The following FAAH variants were observed in gnomAD, a reference collection of about 807,000 sequenced individuals.
FAAH encodes the protein fatty acid amide hydrolase.
In FAAH, 63 loss-of-function variants were observed where a neutral mutation model predicts 69.7. The ratio of observed to expected loss-of-function variants is 0.90; its 90% CI spans 0.74 to 1.12. The LOEUF (loss-of-function observed/expected upper bound fraction) is 1.12, where lower values mean the gene tolerates loss of function less well. Among genes scored for constraint, FAAH ranks in the 50% most tolerant of loss-of-function variants. FAAH has a pLI of 0.00. For missense variants in FAAH, 680 were observed against 755.0 expected, an observed-to-expected ratio of 0.90 and a Z score of 1.16; for synonymous variants, 305 against 324.2, an observed-to-expected ratio of 0.94 and a Z score of 0.64.
intron 9 of FAAH, among the ~76,000 whole-genome samples, chr1:46,409,466 G>A (rs538008212): frequency 2.0e-5 from 3 of 152,210 alleles, no homozygotes; most frequent in African/African-American, 7.2e-5. Context: ...TGGGCAGGAG[G>A]TTGCCTCTCT....
intron 1 of FAAH, among the ~76,000 whole-genome samples, chr1:46,400,054 T>G (rs1473023730): frequency 1.3e-5 from 2 of 152,028 alleles, no homozygotes; most frequent in Non-Finnish European, 2.9e-5. Context: ...GCTCCTTGTG[T>G]TAGAAAAAAA....
At chr1:46,407,417 G>A (rs952117745) in intron 7 of FAAH, among the ~76,000 whole-genome samples, 8 of 152,100 alleles carry the variant, frequency 5.3e-5, no homozygotes, top group African/African-American at 1.9e-4. Flanking sequence ...GGTGTCAACC[G>A]ATGCTTCCTG....
At position 46,405,409 on chromosome 1, in the gene FAAH, G is replaced by A. The variant is rs1364501207; in HGVS notation, c.482G>A (p.Gly161Glu). Residue 161 changes from glycine (G) to glutamate (E), a missense_variant, in exon 4 of 15, where the codon GGG becomes GAG. Coordinates refer to ENST00000243167, the MANE Select transcript of FAAH (RefSeq NM_001441.3). This position sits in a 1 kb window ranked among gnomAD's most constrained non-coding sequence, Gnocchi z 4.1. ...ACGCTGGGCTTGAGCCTGAATGAAG[G>A]GGTGCCGGCGGAGTGCGACAGCGTA... ...DSTLGLSLNE[G>E]VPAECDSVVV... 6.2e-7 allele frequency: 1 copy of A among 1,612,962 alleles called. No homozygotes were observed. The highest frequency in any genetic ancestry group is 8.5e-7 in the Non-Finnish European group (1 of 1,180,014).
At chr1:46,399,617 A>T (rs1328049632) in intron 1 of FAAH, among the ~76,000 whole-genome samples, 2 of 152,222 alleles carry the variant, frequency 1.3e-5, no homozygotes, top group East Asian at 3.8e-4. Flanking sequence ...GTCAGGTGGC[A>T]GTTATTCCAG....
Position 46,405,723 on chromosome 1 carries a change from C to T in FAAH, c.714C>T (p.Ile238=), listed in dbSNP as rs141985477. ...CCCCCCTGGGCTTAGGCACTGATAT[C>T]GGAGGCAGCATCCGCTTCCCCTCCT... ...GGSPLGLGTD[I]GGSIRFPSSF... The change falls in exon 5 of 15, where the codon ATC becomes ATT. Residue 238 remains isoleucine (I), a synonymous_variant. Transcript: ENST00000243167. The surrounding 1 kb of genome is among the most constrained non-coding windows in gnomAD (Gnocchi z 4.1). 4.6e-5 allele frequency: 74 copies of T among 1,613,364 alleles called. No homozygotes were observed. The highest frequency in any genetic ancestry group is 5.9e-5 in the Non-Finnish European group (70 of 1,180,036).
chr1:46,405,102 T>G lies in FAAH; in HGVS notation c.398T>G (p.Leu133Arg), dbSNP rs781034575. 1 of 1,613,906 alleles carries G rather than the reference T, an allele frequency of 6.2e-7. No individual in the cohort carries two copies. Among genetic ancestry groups the G allele is most frequent in the Non-Finnish European group, 8.5e-7 (1 of 1,180,004 alleles). ...CTGTCTCAGGCCCCAAGGCAGGGCC[T>G]GCTCTATGGCGTCCCTGTGAGCCTC... ...TQLSQAPRQG[L>R]LYGVPVSLKE... Residue 133 changes from leucine to arginine, a missense_variant, in exon 3 of 15, where the codon CTG becomes CGG. Physicochemically the swap from Leu to Arg is moderately radical, Grantham distance 102. Transcript: ENST00000243167. The surrounding 1 kb of genome is among the most constrained non-coding windows in gnomAD (Gnocchi z 4.1).
At chr1:46,408,723 A>G (rs1664846284) in intron 8 of FAAH, 139 bp downstream of exon 8, 1 of 1,305,292 alleles carries the variant, frequency 7.7e-7, no homozygotes, top group Non-Finnish European at 1.1e-6. Context: ...CCTGTGGGAC[A>G]AGTATATAGA....
chr1:46,403,130 G>A (rs1350700964), intron 2 of FAAH, among the ~76,000 whole-genome samples: 1 of 149,790 alleles, frequency 6.7e-6, no homozygotes, highest in Admixed American at 6.7e-5. Flanking sequence ...CACCATGCCC[G>A]ACCCCGTCTT....
chr1:46,405,409 G>T lies in FAAH; in HGVS notation c.482G>T (p.Gly161Val). 6.2e-7 allele frequency: 1 copy of T among 1,612,962 alleles called. No homozygotes were observed. The part of the protein sequence containing the change: ...DSTLGLSLNE[G>V]VPAECDSVVV... Reference sequence around the variant, plus strand: ...ACGCTGGGCTTGAGCCTGAATGAAGGGGTGCCGGCGGAGTGCGACAGCGTA... The same window carrying T: ...ACGCTGGGCTTGAGCCTGAATGAAGTGGTGCCGGCGGAGTGCGACAGCGTA... Residue 161 changes from glycine to valine, a missense_variant, in exon 4 of 15, where the codon GGG becomes GTG. Coordinates refer to ENST00000243167, the MANE Select transcript of FAAH (RefSeq NM_001441.3). This position sits in a 1 kb window ranked among gnomAD's most constrained non-coding sequence, Gnocchi z 4.1.
At position 46,413,577 on chromosome 1, in the gene FAAH, G is replaced by T. The variant is rs1664956115; in HGVS notation, c.*2G>T. 1 of 1,613,938 alleles carries T rather than the reference G, an allele frequency of 6.2e-7. No homozygotes were observed. The highest frequency in any genetic ancestry group is 8.5e-7 in the Non-Finnish European group (1 of 1,179,982). On this transcript the variant is annotated 3_prime_UTR_variant, in exon 15 of 15. Transcript: ENST00000243167. ...ACCCCTGAAAAGCAGTCATCCTGAT[G>T]GCTCTGGCTCCAGAGGACCTGAGAC...
chr1:46,401,312 A>G (rs1664699766), intron 1 of FAAH, among the ~76,000 whole-genome samples: 1 of 152,042 alleles, frequency 6.6e-6, no homozygotes, highest in Admixed American at 6.5e-5. Flanking sequence ...TTCAAATCAC[A>G]GCTGAAATGT....
In FAAH at chr1:46,394,333, G is replaced by C. The variant is rs1664556130; in HGVS notation, c.-16G>C. On this transcript the variant is annotated 5_prime_UTR_variant, in exon 1 of 15. Coordinates refer to ENST00000243167, the MANE Select transcript of FAAH (RefSeq NM_001441.3). ...GCTTCAACTGTCGCGGTAGGCAGCA[G>C]CAGGCTGAAGGGATCATGGTGCAGT... 2.6e-6 allele frequency: 4 copies of C among 1,553,608 alleles called. No individual in the cohort carries two copies. The South Asian group carries it at 4.7e-5, about 18-fold the overall frequency.
rs756842211 is a variant in FAAH, at chr1:46,409,212, G to C, written c.1175+14G>C. The C allele has an allele frequency of 6.2e-6, 10 of 1,604,398 alleles. No individual in the cohort carries two copies. Among genetic ancestry groups the C allele is most frequent in the Non-Finnish European group, 7.7e-6 (9 of 1,171,206 alleles). On this transcript the variant is annotated intron_variant, in intron 9 of 14. Transcript: ENST00000243167. Reference sequence around the variant, plus strand: ...CCTACAGAACTTGTGAGTGATAGTGGGCTTTGGGGTCTTGGTGGGATCAGA... The same window carrying C: ...CCTACAGAACTTGTGAGTGATAGTGCGCTTTGGGGTCTTGGTGGGATCAGA...
chr1:46,412,944 C>T, intron 13 of FAAH, 131 bp from the exon 14 acceptor site: 1 of 1,130,418 alleles, frequency 8.8e-7, no homozygotes, highest in Non-Finnish European at 1.3e-6. Flanking sequence ...GTCACTCAGA[C>T]CTCAGTCCTG....
Position 46,405,564 on chromosome 1 carries a change from C to T in FAAH, c.579-24C>T. 1.2e-6 allele frequency: 2 copies of T among 1,613,234 alleles called. No individual in the cohort carries two copies. Among genetic ancestry groups the T allele is most frequent in the East Asian group, 2.2e-5 (1 of 44,882 alleles). ...GGCACCGGTCCCAGCATGGCACGGG[C>T]TGACCCATTCTTGGCTCCTCCAGCT... is the stretch of plus-strand genomic sequence containing the variant. On this transcript the variant is annotated intron_variant, in intron 4 of 14. Coordinates refer to ENST00000243167, the MANE Select transcript of FAAH (RefSeq NM_001441.3). The surrounding 1 kb of genome is among the most constrained non-coding windows in gnomAD (Gnocchi z 4.1).
chr1:46,399,161 C>T (rs896030617), intron 1 of FAAH, among the ~76,000 whole-genome samples: 1 of 152,200 alleles, frequency 6.6e-6, no homozygotes, highest in Non-Finnish European at 1.5e-5. Flanking sequence ...TCTCTTACAA[C>T]CCGCTTATCA....
chr1:46,409,171 A>G lies in FAAH; in HGVS notation c.1148A>G (p.Asp383Gly). 2 of 1,613,754 alleles carry G rather than the reference A, an allele frequency of 1.2e-6. No individual in the cohort carries two copies. Among genetic ancestry groups the G allele is most frequent in the East Asian group, 2.2e-5 (1 of 44,864 alleles). Reference protein sequence around the residue: ...ETLSTGGLFSDGGHTFLQNFK... With the variant: ...ETLSTGGLFSGGGHTFLQNFK... The stretch of plus-strand genomic sequence containing the variant: ...CTGTCAACAGGTGGGCTCTTCAGTG[A>G]TGGTGGCCACACCTTCCTACAGAAC... The change falls in exon 9 of 15, where the codon GAT (aspartate) becomes GGT (glycine). Residue 383 changes from aspartate to glycine, a missense_variant. Physicochemically the swap from Asp to Gly is moderately conservative, Grantham distance 94 (BLOSUM62 -1). Transcript: ENST00000243167.
At chr1:46,412,384 A>G in intron 13 of FAAH, 133 bp downstream of exon 13, 1 of 742,398 alleles carries the variant, frequency 1.3e-6, no homozygotes, top group Non-Finnish European at 2.3e-6. Flanking sequence ...GACTGGAGAC[A>G]TGGCAGTCAT....
chr1:46,408,597 G>C lies in FAAH; in HGVS notation c.1077+13G>C, dbSNP rs747705625. ...TGCGGGGCACACGGTATGACTGCAG[G>C]GTCCTGGAAGTACTGGCATCTCCTC... On this transcript the variant is annotated intron_variant, in intron 8 of 14. Transcript: ENST00000243167. 6.2e-7 allele frequency: 1 copy of C among 1,614,118 alleles called. No homozygotes were observed. Among genetic ancestry groups the C allele is most frequent in the Non-Finnish European group, 8.5e-7 (1 of 1,180,016 alleles).
Sources: gnomAD v4.1 joint callset for allele counts (sites outside exome capture counted in the v4.1 genomes callset) on GRCh38, gnomAD v4.1.1 for gene constraint, Gnocchi (gnomAD v3.1) non-coding constraint, MANE v1.5 for transcripts, NCBI Gene and HGNC (gene_info 2026-07-23, HGNC 2026-07-21) for gene names.